Variants in CPNE4 observed in about 807,000 individuals in gnomAD.
CPNE4 encodes the protein copine 4.
CPNE4 carries 25 observed loss-of-function variants against 67.9 expected under a neutral mutation model. That is an observed-to-expected ratio of 0.37 (90% CI 0.27 to 0.51). The LOEUF is 0.51. CPNE4 is among the 20% of genes least tolerant of loss of function. CPNE4 has a pLI of 0.93. For missense variants in CPNE4, 464 were observed against 690.8 expected (o/e 0.67, Z 3.68); for synonymous variants, 242 against 244.9 (o/e 0.99, Z 0.11).
chr3:131,722,063 A>G (rs2081901194), intron 3 of CPNE4, among the ~76,000 whole-genome samples: 1 of 152,212 alleles, frequency 6.6e-6, no homozygotes, highest in African/African-American at 2.4e-5. Flanking sequence ...TTTCTGGAAA[A>G]GGGGAACAGA....
intron 7 of CPNE4, among the ~76,000 whole-genome samples, chr3:131,656,467 T>C (rs2079969325): frequency 1.3e-5 from 2 of 152,262 alleles, no homozygotes; most frequent in South Asian, 2.1e-4. Context: ...TGAGACCAAA[T>C]AGCAAAAAAT....
rs912350808 is a variant in CPNE4, at chr3:131,987,636, C to G, written c.-2+46931G>C. 2.6e-5 allele frequency among the ~76,000 whole-genome samples: 4 copies of G among 152,208 alleles called. No individual in the cohort carries two copies. The East Asian group carries it at 7.7e-4, about 29-fold the overall frequency. ...CTCCTGACCTCACGTGATCCACCCCCCTTGGCCTCCCAAAGTGCTGGGATT... is the reference window on the plus strand; with the variant it reads ...CTCCTGACCTCACGTGATCCACCCCGCTTGGCCTCCCAAAGTGCTGGGATT... On this transcript the variant is annotated intron_variant, in intron 1 of 15. Coordinates refer to ENST00000429747, the MANE Select transcript of CPNE4 (RefSeq NM_130808.3).
At chr3:131,656,516 T>C (rs894715521) in intron 7 of CPNE4, among the ~76,000 whole-genome samples, 3 of 152,190 alleles carry the variant, frequency 2.0e-5, no homozygotes, top group Admixed American at 2.0e-4. Context: ...CTAATGTAAC[T>C]ATGGGCTTGT....
chr3:131,677,211 C>T (rs1470939358), intron 6 of CPNE4, among the ~76,000 whole-genome samples: 1 of 151,626 alleles, frequency 6.6e-6, no homozygotes, highest in Non-Finnish European at 1.5e-5. Context: ...GTTCTTTGCC[C>T]ACTTTTTTAT....
At chr3:131,804,800 C>T (rs1367918911) in intron 2 of CPNE4, among the ~76,000 whole-genome samples, 2 of 152,196 alleles carry the variant, frequency 1.3e-5, no homozygotes, top group Non-Finnish European at 2.9e-5. Context: ...TGATAGAGAA[C>T]AAGTGACATG....
intron 10 of CPNE4, 21 bp from the exon 11 acceptor site, chr3:131,564,370 A>G: frequency 6.2e-7 from 1 of 1,604,264 alleles, no homozygotes; most frequent in Non-Finnish European, 8.5e-7. Flanking sequence ...AAAATACAAG[A>G]AAAGGTAAAT....
At chr3:132,035,106 C>A (rs899117003), upstream of CPNE4, 4 of 971,178 alleles carry the variant, frequency 4.1e-6, no homozygotes, top group African/African-American at 7.0e-5. Context: ...ACGAGCATTG[C>A]CCCGGGAACC....
At chr3:131,623,356 A>G (rs1940578353) in intron 7 of CPNE4, among the ~76,000 whole-genome samples, 1 of 152,282 alleles carries the variant, frequency 6.6e-6, no homozygotes, top group East Asian at 1.9e-4. Flanking sequence ...CTGTGAGTAA[A>G]CAATTTTAAA....
intron 2 of CPNE4, among the ~76,000 whole-genome samples, chr3:131,827,276 T>G (rs1260455179): frequency 6.6e-6 from 1 of 152,218 alleles, no homozygotes; most frequent in Non-Finnish European, 1.5e-5. Context: ...TTCCAAAGTT[T>G]CTTTAGCCTT....
chr3:131,873,756 G>C (rs1304345150), intron 2 of CPNE4, among the ~76,000 whole-genome samples: 1 of 152,176 alleles, frequency 6.6e-6, no homozygotes, highest in Non-Finnish European at 1.5e-5. Flanking sequence ...CACTCTCACA[G>C]TGTGATAAGA....
rs76415461 is a variant in CPNE4, at chr3:131,751,783, G to T, written c.181-28158C>A. Reference sequence around the variant, plus strand: ...TTAGCTGTTTTTTTTTTGTTTTTTTGTTTGTTTGTTTGTTTTTTCGACACT... The same window carrying T: ...TTAGCTGTTTTTTTTTTGTTTTTTTTTTTGTTTGTTTGTTTTTTCGACACT... On this transcript the variant is annotated intron_variant, in intron 2 of 15. Coordinates refer to ENST00000429747, the MANE Select transcript of CPNE4 (RefSeq NM_130808.3). Among the ~76,000 whole-genome samples the T allele has an allele frequency of 7.7e-3, 730 of 94,488 alleles. 6 individuals carry two copies. Among genetic ancestry groups the T allele is most frequent in the African/African-American group, 0.019 (683 of 35,516 alleles). 62.0% of individuals were successfully genotyped at this position (94,488 alleles called of 152,430 possible).
intron 1 of CPNE4, among the ~76,000 whole-genome samples, chr3:131,976,962 C>T (rs952593271): frequency 9.2e-5 from 14 of 152,022 alleles, no homozygotes; most frequent in South Asian, 2.1e-4. Flanking sequence ...CCACCATGTC[C>T]GGCTAATTTT....
chr3:132,021,525 G>A (rs967584756), intron 1 of CPNE4, among the ~76,000 whole-genome samples: 1 of 152,122 alleles, frequency 6.6e-6, no homozygotes, highest in African/African-American at 2.4e-5. Flanking sequence ...TCATGTGGTC[G>A]CTGTTTCAAC....
intron 2 of CPNE4, among the ~76,000 whole-genome samples, chr3:131,802,743 A>C (rs1475152667): frequency 6.6e-6 from 1 of 152,232 alleles, no homozygotes; most frequent in Non-Finnish European, 1.5e-5. Flanking sequence ...CTCCCCCTGA[A>C]AACCTGTTAA....
chr3:131,743,844 T>A (rs559237406), intron 2 of CPNE4, among the ~76,000 whole-genome samples: 5 of 150,380 alleles, frequency 3.3e-5, no homozygotes, highest in African/African-American at 1.2e-4. Context: ...GCGCCTGTAG[T>A]CCCAGCTACT....
chr3:131,622,825 C>G (rs572795809), intron 7 of CPNE4, among the ~76,000 whole-genome samples: 1 of 152,286 alleles, frequency 6.6e-6, no homozygotes, highest in Admixed American at 6.5e-5. Context: ...ATACTGAAAT[C>G]AAAGAGATCT....
Position 131,542,677 on chromosome 3 carries a change from C to T in CPNE4, c.1419G>A (p.Gly473=). ...TCTGCATGTCACTGAAGTCAGCGTT[C>T]CCTACTCCCACGATGATGACTGACA... ...LPMSVIIVGV[G]NADFSDMQML... is the part of the protein sequence containing the mutation. Residue 473 remains glycine (G), a synonymous_variant, in exon 15 of 16, where the codon GGG becomes GGA. Coordinates refer to ENST00000429747, the MANE Select transcript of CPNE4 (RefSeq NM_130808.3). The T allele has an allele frequency of 6.2e-7, 1 of 1,614,058 alleles. No individual in the cohort carries two copies.
intron 7 of CPNE4, among the ~76,000 whole-genome samples, chr3:131,632,192 T>C (rs1053864343): frequency 6.6e-6 from 1 of 151,916 alleles, no homozygotes; most frequent in Non-Finnish European, 1.5e-5. Flanking sequence ...GTATTTTCAG[T>C]AGAGTCGGGG....
At chr3:132,037,527 C>T, upstream of CPNE4, 3 of 1,519,592 alleles carry the variant, frequency 2.0e-6, no homozygotes, top group Non-Finnish European at 1.8e-6. Flanking sequence ...ACAATTGTAA[C>T]ATCAAAATCC....
Sources: gnomAD v4.1 joint callset for allele counts (sites outside exome capture counted in the v4.1 genomes callset) on GRCh38, gnomAD v4.1.1 for gene constraint, MANE v1.5 for transcripts, NCBI Gene and HGNC (gene_info 2026-07-23, HGNC 2026-07-21) for gene names.